SACS: variants seen among roughly 807,000 people sequenced by gnomAD.
SACS encodes the protein sacsin molecular chaperone.
SACS carries 197 observed loss-of-function variants against 348.0 expected under a neutral mutation model. The observed-to-expected ratio is 0.57, with a 90% CI of 0.50 to 0.64. The LOEUF (loss-of-function observed/expected upper bound fraction) is 0.64, where lower values mean the gene tolerates loss of function less well. Ranked by LOEUF, SACS falls within the 30% of genes least tolerant of loss-of-function variation. The probability of loss-of-function intolerance (pLI) is 0.00; values close to 1 mark genes in which losing one functional copy is unlikely to be tolerated. For missense variants in SACS, 4,999 were observed against 5,360.8 expected (o/e 0.93, Z 2.11); for synonymous variants, 1,985 against 1,910.6 (o/e 1.04, Z -1.02).
chr13:23,352,292 A>G (rs913510975), intron 9 of SACS, among the ~76,000 whole-genome samples: 5 of 152,254 alleles, frequency 3.3e-5, no homozygotes, highest in Non-Finnish European at 7.3e-5. Context: ...GCTCCATGCA[A>G]CAATCTGGAT....
intron 5 of SACS, among the ~76,000 whole-genome samples, chr13:23,368,108 C>T (rs1299661957): frequency 6.8e-6 from 1 of 147,468 alleles, no homozygotes; most frequent in Non-Finnish European, 1.5e-5. Flanking sequence ...GGTTGGTTGA[C>T]GTGTAAAGCC....
Position 23,332,663 on chromosome 13 carries a change from T to C in SACS, c.11213A>G (p.Asn3738Ser), listed in dbSNP as rs952686395. ...EQLEQVLNML[N>S]VNLDPPLDKV... Reference sequence around the variant, plus strand: ...ATCAAGAGGAGGATCCAGGTTAACATTAAGCATATTTAAAACTTGTTCAAG... The same window carrying C: ...ATCAAGAGGAGGATCCAGGTTAACACTAAGCATATTTAAAACTTGTTCAAG... The change falls in exon 10 of 10, where the codon AAT (asparagine) becomes AGT (serine). Residue 3738 changes from asparagine (N) to serine (S), a missense_variant. Around this residue, in one of 6 missense-constraint regions of SACS, gnomAD observed 831 missense variants for 941.8 expected, o/e 0.88. Transcript: ENST00000382292. The C allele has an allele frequency of 2.5e-6, 4 of 1,613,858 alleles. No homozygotes were observed. Among genetic ancestry groups the C allele is most frequent in the Middle Eastern group, 1.6e-4 (1 of 6,062 alleles).
intron 3 of SACS, among the ~76,000 whole-genome samples, chr13:23,372,551 C>T (rs929229395): frequency 4.6e-5 from 7 of 152,138 alleles, no homozygotes; most frequent in African/African-American, 1.4e-4. Flanking sequence ...AAATCAGTCC[C>T]CAATACATGA....
rs147821633 is a variant in SACS at position 23,355,068 on chromosome 13, C to G, written c.1544G>C (p.Arg515Pro). Residue 515 changes from arginine to proline, a missense_variant, in exon 8 of 10, where the codon CGT (arginine) becomes CCT (proline). Coordinates refer to ENST00000382292, the MANE Select transcript of SACS (RefSeq NM_014363.6). ...YATLILDSIK[R>P]LEMEKSSDFP... ...ATCAGAGCTCTTTTCCATCTCCAGA[C>G]GTTTTATTGAATCTAAGATCAGAGT... 6.2e-7 allele frequency: 1 copy of G among 1,614,188 alleles called. No homozygotes were observed. The highest frequency in any genetic ancestry group is 1.1e-5 in the South Asian group (1 of 91,090).
chr13:23,414,982 T>A (rs1873641570), intron 1 of SACS, among the ~76,000 whole-genome samples: 1 of 152,216 alleles, frequency 6.6e-6, no homozygotes, highest in Non-Finnish European at 1.5e-5. Flanking sequence ...ACCTTCTGAA[T>A]GCAATCTCTT....
intron 2 of SACS, among the ~76,000 whole-genome samples, chr13:23,410,278 T>C (rs1342855822): frequency 6.6e-6 from 1 of 152,214 alleles, no homozygotes; most frequent in African/African-American, 2.4e-5. Context: ...TTTCAATCAT[T>C]TAATAAAAAT....
rs142867964 is a variant in SACS at position 23,334,215 on chromosome 13, C to T, written c.9661G>A (p.Val3221Met). 80 of 1,613,726 alleles carry T rather than the reference C, an allele frequency of 5.0e-5. No individual in the cohort carries two copies. In the East Asian group the frequency reaches 1.7e-3, roughly 35 times the overall value. Residue 3221 changes from valine to methionine, a missense_variant, in exon 10 of 10, where the codon GTG becomes ATG. Coordinates refer to ENST00000382292, the MANE Select transcript of SACS (RefSeq NM_014363.6). ...ISSFADLLSS[V>M]LPREYKTKSC... is the part of the protein sequence containing the mutation. ...TTGGTCTTATATTCTCGAGGCAACA[C>T]AGAGGATAACAAATCAGCAAAGCTG...
chr13:23,349,548 G>A (rs2072625907), intron 9 of SACS, among the ~76,000 whole-genome samples: 1 of 152,172 alleles, frequency 6.6e-6, no homozygotes, highest in Admixed American at 6.5e-5. Context: ...CATAATGCCT[G>A]CTGTGAGTAA....
intron 1 of SACS, among the ~76,000 whole-genome samples, chr13:23,422,697 C>T (rs57313044): frequency 0.1 from 15,582 of 150,986 alleles, 955 homozygotes; most frequent in African/African-American, 0.16. Context: ...CTCACTCTGT[C>T]GCCCAGGCTG....
intron 6 of SACS, among the ~76,000 whole-genome samples, chr13:23,362,511 G>A (rs1053121055): frequency 2.0e-5 from 3 of 151,942 alleles, no homozygotes; most frequent in Non-Finnish European, 4.4e-5. Flanking sequence ...GAGCCTGGAG[G>A]GCTCTCAATA....
At chr13:23,423,446 T>C (rs1051258482) in intron 1 of SACS, among the ~76,000 whole-genome samples, 1 of 152,192 alleles carries the variant, frequency 6.6e-6, no homozygotes, top group African/African-American at 2.4e-5. Flanking sequence ...ACAATCTATG[T>C]GCGAAGAAGC....
At chr13:23,391,850 A>G (rs1446319039) in intron 2 of SACS, among the ~76,000 whole-genome samples, 1 of 143,278 alleles carries the variant, frequency 7.0e-6, no homozygotes, top group African/African-American at 2.5e-5. Flanking sequence ...AAAGTACTGC[A>G]AAGTGCCCAT....
intron 2 of SACS, among the ~76,000 whole-genome samples, chr13:23,405,517 C>T (rs1873166727): frequency 1.3e-5 from 2 of 152,106 alleles, no homozygotes; most frequent in African/African-American, 4.8e-5. Flanking sequence ...GACTGAAACA[C>T]CAAAAGCAAT....
In SACS at chr13:23,353,779, T is replaced by A; in HGVS notation, c.2185+6A>T. ...GTTTATTTAAAAGAATACTAAACTATAATACCTCGGGTTTGGGCAGCTTCC... is the reference window on the plus strand; with the variant it reads ...GTTTATTTAAAAGAATACTAAACTAAAATACCTCGGGTTTGGGCAGCTTCC... On this transcript the variant is annotated splice_donor_region_variant and intron_variant, in intron 9 of 9. Coordinates refer to ENST00000382292, the MANE Select transcript of SACS (RefSeq NM_014363.6). 1 of 1,527,144 alleles carries A rather than the reference T, an allele frequency of 6.5e-7. No individual in the cohort carries two copies. The highest frequency in any genetic ancestry group is 9.1e-7 in the Non-Finnish European group (1 of 1,102,360). 94.6% of individuals were successfully genotyped at this position (1,527,144 alleles called of 1,614,324 possible). A position where few individuals can be genotyped will look rare whatever the true frequency, so the allele number is the denominator to read the frequency against.
At chr13:23,349,488 G>C (rs182090379) in intron 9 of SACS, among the ~76,000 whole-genome samples, 1 of 152,244 alleles carries the variant, frequency 6.6e-6, no homozygotes, top group Non-Finnish European at 1.5e-5. Context: ...ATTAAGTGCC[G>C]GATATTATGT....
In SACS at chr13:23,409,040, C is replaced by CTTTTTTTTTTTTTTTTTTTTTTTTT. The variant is rs1175897856; in HGVS notation, c.20+2155_20+2179dup. 9.1e-4 allele frequency among the ~76,000 whole-genome samples: 32 copies of CTTTTTTTTTTTTTTTTTTTTTTTTT among 35,122 alleles called. 10 individuals are homozygous for CTTTTTTTTTTTTTTTTTTTTTTTTT. Among genetic ancestry groups the CTTTTTTTTTTTTTTTTTTTTTTTTT allele is most frequent in the Admixed American group, 1.2e-3 (2 of 1,662 alleles). 23.0% of individuals were successfully genotyped at this position (35,122 alleles called of 152,430 possible). ...TATGGTCTTAATAAAACAAGTTTTA[C>CTTTTTTTTTTTTTTTTTTTTTTTTT]TTTTTTTTTTTTTTTTTTTTTTTTT... On this transcript the variant is annotated intron_variant, in intron 2 of 9. Coordinates refer to ENST00000382292, the MANE Select transcript of SACS (RefSeq NM_014363.6).
intron 2 of SACS, 60 bp from the exon 3 acceptor site, chr13:23,375,329 C>G: frequency 7.4e-7 from 1 of 1,352,370 alleles, no homozygotes; most frequent in Non-Finnish European, 9.6e-7. Flanking sequence ...GCCCAGCGCC[C>G]GCGCGGCCTC....
chr13:23,380,757 G>T (rs562041172), intron 2 of SACS, among the ~76,000 whole-genome samples: 7 of 152,268 alleles, frequency 4.6e-5, no homozygotes, highest in African/African-American at 1.7e-4. Flanking sequence ...TGAACAAGCT[G>T]AAAGCCTTTA....
chr13:23,383,005 G>A (rs1174055394), intron 2 of SACS, among the ~76,000 whole-genome samples: 3 of 136,758 alleles, frequency 2.2e-5, no homozygotes, highest in African/African-American at 5.5e-5. Flanking sequence ...TCACCATGTC[G>A]CCCAGGCTGG....
Sources: allele counts gnomAD v4.1 joint callset (sites outside exome capture counted in the v4.1 genomes callset), GRCh38; gene constraint gnomAD v4.1.1; regional missense constraint gnomAD v4.1.1; transcripts MANE v1.5; gene names NCBI Gene and HGNC (gene_info 2026-07-23, HGNC 2026-07-21).